Variants in GALNT13 observed in about 807,000 individuals in gnomAD.
GALNT13 encodes UDP-GalNAc:polypeptide N-acetylgalactosaminyltransferase 13.
GALNT13 carries 28 observed loss-of-function variants against 64.2 expected under a neutral mutation model. The observed-to-expected ratio is 0.44, with a 90% confidence interval of 0.32 to 0.60. GALNT13 has a LOEUF of 0.60. Ranked by LOEUF, GALNT13 falls within the 20% of genes least tolerant of loss-of-function variation. GALNT13 has a pLI of 0.05. For synonymous variants in GALNT13, 214 were observed against 224.6 expected (o/e 0.95, Z 0.42); for missense variants, 577 against 669.8 (o/e 0.86, Z 1.53).
chr2:154,424,544 A>T (rs545315562), intron 11 of GALNT13, among the ~76,000 whole-genome samples: 3 of 152,190 alleles, frequency 2.0e-5, no homozygotes, highest in Admixed American at 1.3e-4. Context: ...TCTTTTAACC[A>T]AAAGAGGCTG....
the GALNT13 span, among the ~76,000 whole-genome samples, chr2:153,810,457 G>A: frequency 1.3e-5 from 2 of 152,126 alleles, no homozygotes; most frequent in African/African-American, 4.8e-5. Flanking sequence ...ATTGTGGTTT[G>A]CTGTCATCAC....
the GALNT13 span, among the ~76,000 whole-genome samples, chr2:153,334,288 G>A: frequency 6.6e-6 from 1 of 152,150 alleles, no homozygotes; most frequent in African/African-American, 2.4e-5. Flanking sequence ...ATATTTGTTG[G>A]TATAGATCAT....
chr2:153,605,208 T>A, the GALNT13 span, among the ~76,000 whole-genome samples: 1 of 152,120 alleles, frequency 6.6e-6, no homozygotes, highest in Non-Finnish European at 1.5e-5. Flanking sequence ...TAAGCCTAAA[T>A]CCTGTTCTTT....
the GALNT13 span, among the ~76,000 whole-genome samples, chr2:153,111,094 A>G: frequency 3.9e-5 from 6 of 151,982 alleles, no homozygotes; most frequent in Non-Finnish European, 7.4e-5. Context: ...GGCACAAACT[A>G]TTTACTTGTC....
At chr2:153,718,192 A>G in the GALNT13 span, among the ~76,000 whole-genome samples, 1 of 152,184 alleles carries the variant, frequency 6.6e-6, no homozygotes, top group Admixed American at 6.5e-5. Flanking sequence ...ACAAACCAAA[A>G]ACATGCTTAA....
chr2:153,592,666 G>A, the GALNT13 span, among the ~76,000 whole-genome samples: 1,820 of 152,194 alleles, frequency 0.012, 32 homozygotes, highest in African/African-American at 0.041. Context: ...TGTAAAGAGT[G>A]GAATTATAGA....
chr2:153,565,998 A>G, the GALNT13 span, among the ~76,000 whole-genome samples: 2 of 152,220 alleles, frequency 1.3e-5, no homozygotes, highest in Middle Eastern at 3.2e-3. Flanking sequence ...CGCTTTTGAT[A>G]TAGTTGTATT....
chr2:153,316,780 G>C, the GALNT13 span, among the ~76,000 whole-genome samples: 3 of 151,952 alleles, frequency 2.0e-5, no homozygotes, highest in African/African-American at 7.2e-5. Context: ...GTGTGAAGAA[G>C]AACAAATTAA....
chr2:154,454,263 A>G (rs892746914), downstream of GALNT13, among the ~76,000 whole-genome samples: 2 of 152,184 alleles, frequency 1.3e-5, no homozygotes, highest in African/African-American at 4.8e-5. Context: ...TCTAAGGATC[A>G]TATATCTAAA....
At chr2:154,399,877 G>A (rs919554681) in intron 10 of GALNT13, among the ~76,000 whole-genome samples, 2 of 152,156 alleles carry the variant, frequency 1.3e-5, no homozygotes, top group Non-Finnish European at 2.9e-5. Context: ...AGTAAAAGAT[G>A]CCCTGCATGG....
the GALNT13 span, among the ~76,000 whole-genome samples, chr2:153,608,733 T>A: frequency 6.8e-6 from 1 of 147,792 alleles, no homozygotes; most frequent in Admixed American, 6.8e-5. Context: ...TATGTATAAC[T>A]TATATAAATA....
At chr2:153,382,772 AT>A in the GALNT13 span, among the ~76,000 whole-genome samples, 1 of 152,120 alleles carries the variant, frequency 6.6e-6, no homozygotes, top group African/African-American at 2.4e-5. Flanking sequence ...TTAAACTGTT[AT>A]ATAAATCTAA....
chr2:153,452,107 A>C, the GALNT13 span, among the ~76,000 whole-genome samples: 7 of 152,186 alleles, frequency 4.6e-5, no homozygotes, highest in East Asian at 1.2e-3. Flanking sequence ...AGAATTTTAT[A>C]ACTTAGTGTT....
intron 8 of GALNT13, among the ~76,000 whole-genome samples, chr2:154,265,718 A>C (rs1462624964): frequency 6.6e-6 from 1 of 152,052 alleles, no homozygotes; most frequent in Admixed American, 6.6e-5. Flanking sequence ...CAAACAAACA[A>C]ATGCTTCCAC....
At chr2:154,404,423 G>A (rs1047887510) in intron 10 of GALNT13, among the ~76,000 whole-genome samples, 12 of 152,260 alleles carry the variant, frequency 7.9e-5, no homozygotes, top group Admixed American at 4.6e-4. Flanking sequence ...GTGGCAAAGT[G>A]TTCTCACAGA....
the GALNT13 span, among the ~76,000 whole-genome samples, chr2:153,557,364 C>T: frequency 6.6e-6 from 1 of 152,150 alleles, no homozygotes; most frequent in Non-Finnish European, 1.5e-5. Flanking sequence ...CCTAACAGTG[C>T]ATCTGTTTTT....
the GALNT13 span, among the ~76,000 whole-genome samples, chr2:153,854,039 A>T: frequency 6.6e-6 from 1 of 151,744 alleles, no homozygotes; most frequent in East Asian, 1.9e-4. Context: ...AAATCTGTGA[A>T]GTCCATAGTA....
At chr2:153,657,738 C>T in the GALNT13 span, among the ~76,000 whole-genome samples, 1 of 152,202 alleles carries the variant, frequency 6.6e-6, no homozygotes, top group Admixed American at 6.6e-5. Flanking sequence ...TTTTAAATCT[C>T]CAATTAGTCT....
the GALNT13 span, among the ~76,000 whole-genome samples, chr2:153,497,008 A>AAAAAAG: frequency 1.3e-5 from 2 of 151,002 alleles, no homozygotes; most frequent in African/African-American, 4.9e-5. Context: ...AAAAAAAAAA[A>AAAAAAG]AAAAAGAAAA....
Sources: gnomAD v4.1 joint callset for allele counts (sites outside exome capture counted in the v4.1 genomes callset) on GRCh38, gnomAD v4.1.1 for gene constraint, MANE v1.5 for transcripts, NCBI Gene and HGNC (gene_info 2026-07-23, HGNC 2026-07-21) for gene names.